SEMA3C: variants seen among roughly 807,000 people sequenced by gnomAD.
The protein encoded by SEMA3C is semaphorin-3C.
SEMA3C carries 47 observed loss-of-function variants against 89.4 expected under a neutral mutation model. The observed-to-expected ratio is 0.53, with a 90% CI of 0.42 to 0.67. SEMA3C has a LOEUF of 0.67. Among genes scored for constraint, SEMA3C ranks in the 30% least tolerant of loss-of-function variants. SEMA3C has a pLI of 0.00. For missense variants in SEMA3C, 839 were observed against 929.1 expected (o/e 0.90, Z 1.26); for synonymous variants, 310 against 320.2 (o/e 0.97, Z 0.34).
At chr7:80,916,149 T>A (rs1332172035) in intron 2 of SEMA3C, among the ~76,000 whole-genome samples, 1 of 152,214 alleles carries the variant, frequency 6.6e-6, no homozygotes, top group African/African-American at 2.4e-5. Flanking sequence ...CAATTATTCT[T>A]TTAGGTCCTT....
intron 12 of SEMA3C, among the ~76,000 whole-genome samples, chr7:80,771,567 C>T (rs1788434854): frequency 6.6e-6 from 1 of 152,144 alleles, no homozygotes; most frequent in South Asian, 2.1e-4. Context: ...AATCAGCTTG[C>T]ATTTATAAGT....
intron 2 of SEMA3C, among the ~76,000 whole-genome samples, chr7:80,881,089 C>A (rs11980380): frequency 6.0e-5 from 9 of 150,528 alleles, no homozygotes; most frequent in African/African-American, 2.2e-4. Flanking sequence ...CAAGGATGTA[C>A]GATGTTGTTT....
chr7:80,815,615 AT>A (rs1424777250), intron 5 of SEMA3C, among the ~76,000 whole-genome samples: 1 of 150,856 alleles, frequency 6.6e-6, no homozygotes, highest in Non-Finnish European at 1.5e-5. Flanking sequence ...AAACAGAGTG[AT>A]GAAGGTTATT....
intron 2 of SEMA3C, among the ~76,000 whole-genome samples, chr7:80,902,755 C>T (rs544140839): frequency 2.4e-4 from 36 of 152,310 alleles, no homozygotes; most frequent in African/African-American, 7.5e-4. Context: ...GAAGTTTCCA[C>T]TATTCCTCAA....
At chr7:80,872,745 G>A (rs921390553) in intron 2 of SEMA3C, among the ~76,000 whole-genome samples, 1 of 140,980 alleles carries the variant, frequency 7.1e-6, no homozygotes, top group Non-Finnish European at 1.5e-5. Context: ...AAATTGCAGT[G>A]AGCCAAGATC....
intron 2 of SEMA3C, among the ~76,000 whole-genome samples, chr7:80,866,529 T>C (rs1403217512): frequency 6.6e-6 from 1 of 152,050 alleles, no homozygotes; most frequent in Non-Finnish European, 1.5e-5. Flanking sequence ...ATGTGTCACT[T>C]GGTTAAGGCA....
intron 2 of SEMA3C, among the ~76,000 whole-genome samples, chr7:80,894,062 C>T (rs1026168161): frequency 1.2e-4 from 19 of 152,162 alleles, no homozygotes; most frequent in Non-Finnish European, 2.6e-4. Flanking sequence ...AAACAATCTA[C>T]TTTGCCATCG....
intron 2 of SEMA3C, among the ~76,000 whole-genome samples, chr7:80,832,663 T>G (rs1790033873): frequency 6.6e-6 from 1 of 152,078 alleles, no homozygotes; most frequent in Non-Finnish European, 1.5e-5. Flanking sequence ...CATTGGTATG[T>G]GAGCACATGA....
chr7:80,904,860 G>A (rs539673368), intron 2 of SEMA3C, among the ~76,000 whole-genome samples: 2 of 152,180 alleles, frequency 1.3e-5, no homozygotes, highest in South Asian at 2.1e-4. Context: ...TCTAGGTAAC[G>A]TACAGCCAAG....
chr7:80,864,745 A>G (rs900227679), intron 2 of SEMA3C, among the ~76,000 whole-genome samples: 1 of 152,128 alleles, frequency 6.6e-6, no homozygotes, highest in African/African-American at 2.4e-5. Context: ...ATCTCTCCTG[A>G]GCTATGAAAT....
intron 12 of SEMA3C, among the ~76,000 whole-genome samples, chr7:80,769,344 T>C (rs1038680102): frequency 5.9e-5 from 9 of 152,100 alleles, no homozygotes; most frequent in Non-Finnish European, 1.5e-5. Context: ...AAAAACAGGT[T>C]TTGCTTAGAA....
chr7:80,778,460 T>C (rs1386930842), intron 12 of SEMA3C, among the ~76,000 whole-genome samples: 1 of 152,204 alleles, frequency 6.6e-6, no homozygotes, highest in African/African-American at 2.4e-5. Context: ...ATGAATTGTA[T>C]GGTCACTCAA....
At chr7:80,811,349 A>AAAATATGG (rs1331861314) in intron 5 of SEMA3C, among the ~76,000 whole-genome samples, 1 of 152,176 alleles carries the variant, frequency 6.6e-6, no homozygotes, top group African/African-American at 2.4e-5. Flanking sequence ...ATAAATAATT[A>AAAATATGG]AAATATGGAA....
chr7:80,861,872 G>T (rs1790780052), intron 2 of SEMA3C, among the ~76,000 whole-genome samples: 1 of 152,112 alleles, frequency 6.6e-6, no homozygotes, highest in Non-Finnish European at 1.5e-5. Flanking sequence ...TGCAGAAAAA[G>T]CATTTGACAA....
At chr7:80,749,676 T>C (rs1438460187) in intron 16 of SEMA3C, among the ~76,000 whole-genome samples, 2 of 152,202 alleles carry the variant, frequency 1.3e-5, no homozygotes, top group Non-Finnish European at 2.9e-5. Context: ...ACATGGATTA[T>C]AGCATTTTTA....
intron 13 of SEMA3C, among the ~76,000 whole-genome samples, chr7:80,763,430 A>G (rs2117056749): frequency 6.6e-6 from 1 of 152,330 alleles, no homozygotes; most frequent in South Asian, 2.1e-4. Flanking sequence ...AATCACTGGC[A>G]CACACATCAG....
intron 5 of SEMA3C, 34 bp downstream of exon 5, chr7:80,818,265 A>G (rs1789657933): frequency 6.5e-7 from 1 of 1,540,848 alleles, no homozygotes; most frequent in African/African-American, 1.4e-5. Context: ...TGACACTAAT[A>G]TCAAAACTAA....
chr7:80,895,182 A>G (rs1245629879), intron 2 of SEMA3C, among the ~76,000 whole-genome samples: 1 of 152,154 alleles, frequency 6.6e-6, no homozygotes, highest in Non-Finnish European at 1.5e-5. Flanking sequence ...CTGTTCCTAA[A>G]CTAGTCTTTA....
At chr7:80,905,830 A>G in intron 2 of SEMA3C, 1 of 1,281,322 alleles carries the variant, frequency 7.8e-7, no homozygotes, top group Non-Finnish European at 1.0e-6. Flanking sequence ...GCCACTTACT[A>G]GAGTAGGTGG....
Sources: gnomAD v4.1 joint callset for allele counts (sites outside exome capture counted in the v4.1 genomes callset) on GRCh38, gnomAD v4.1.1 for gene constraint, MANE v1.5 for transcripts, NCBI Gene and HGNC (gene_info 2026-07-23, HGNC 2026-07-21) for gene names.